The following TMEM117 variants were observed in gnomAD, a reference collection of about 807,000 sequenced individuals.
TMEM117 encodes the protein transmembrane protein 117.
Under a neutral mutation model 52.4 loss-of-function variants are expected in TMEM117, and 27 were observed. That is an observed-to-expected ratio of 0.51 (90% CI 0.38 to 0.71). The LOEUF is 0.71. TMEM117 is among the 30% of genes least tolerant of loss of function. The pLI, the probability that TMEM117 is intolerant of heterozygous loss-of-function variation, is 0.00. For synonymous variants in TMEM117, 215 were observed against 206.3 expected, an observed-to-expected ratio of 1.04 and a Z score of -0.36; for missense variants, 556 against 630.5, an observed-to-expected ratio of 0.88 and a Z score of 1.26.
chr12:44,063,614 C>T (rs1047085716), intron 3 of TMEM117, among the ~76,000 whole-genome samples: 1 of 147,584 alleles, frequency 6.8e-6, no homozygotes, highest in South Asian at 2.3e-4. Context: ...CTATCCCTCC[C>T]GCCTCCCCCC....
chr12:43,945,814 G>A (rs1216505761), intron 3 of TMEM117, among the ~76,000 whole-genome samples: 1 of 152,156 alleles, frequency 6.6e-6, no homozygotes, highest in East Asian at 1.9e-4. Context: ...AGGCTAGGCA[G>A]GATTATTGTC....
intron 3 of TMEM117, among the ~76,000 whole-genome samples, chr12:44,021,280 G>A (rs942950444): frequency 1.3e-5 from 2 of 152,008 alleles, no homozygotes. Flanking sequence ...CCCTCAAATA[G>A]AACCTAGTTA....
At chr12:44,385,355 A>G (rs1486932963) in intron 7 of TMEM117, among the ~76,000 whole-genome samples, 2 of 152,344 alleles carry the variant, frequency 1.3e-5, no homozygotes, top group Middle Eastern at 6.8e-3. Flanking sequence ...TTAGTGGTCA[A>G]ACTGACCCAG....
intron 3 of TMEM117, among the ~76,000 whole-genome samples, chr12:44,130,465 A>G (rs1182626835): frequency 6.6e-6 from 1 of 152,158 alleles, no homozygotes; most frequent in East Asian, 1.9e-4. Context: ...CTCTAACACC[A>G]TAGCTTAGTT....
chr12:44,119,301 G>C (rs924061113), intron 3 of TMEM117, among the ~76,000 whole-genome samples: 1 of 150,560 alleles, frequency 6.6e-6, no homozygotes, highest in African/African-American at 2.5e-5. Flanking sequence ...TGAGCTTGCA[G>C]AGGATGTTTA....
chr12:43,976,280 T>A (rs76675253), intron 3 of TMEM117, among the ~76,000 whole-genome samples: 6 of 152,162 alleles, frequency 3.9e-5, no homozygotes, highest in African/African-American at 9.7e-5. Context: ...CAGACCATGT[T>A]GCCCAGTCTG....
At chr12:43,852,560 C>T (rs1418133369) in intron 2 of TMEM117, among the ~76,000 whole-genome samples, 1 of 152,150 alleles carries the variant, frequency 6.6e-6, no homozygotes, top group African/African-American at 2.4e-5. Flanking sequence ...TGAGATTGTG[C>T]CATTGCACTC....
chr12:44,122,428 G>T (rs1185250283), intron 3 of TMEM117, among the ~76,000 whole-genome samples: 2 of 152,070 alleles, frequency 1.3e-5, no homozygotes, highest in South Asian at 2.1e-4. Flanking sequence ...TTAAGTTCGG[G>T]GTACAGGTGC....
chr12:43,918,797 C>T lies in TMEM117; in HGVS notation c.278-25413C>T, dbSNP rs975932743. Among the ~76,000 whole-genome samples, 3 of 152,292 alleles carry T rather than the reference C, an allele frequency of 2.0e-5. No homozygotes were observed. In the South Asian group the frequency reaches 6.2e-4, roughly 32 times the overall value. On this transcript the variant is annotated intron_variant, in intron 2 of 7. Coordinates refer to ENST00000266534, the MANE Select transcript of TMEM117 (RefSeq NM_032256.3). Reference sequence around the variant, plus strand: ...AAGCATTTTAATATTCTCACCATGCCTCTGAAAATACTTTCTTCAGTCTCA... The same window carrying T: ...AAGCATTTTAATATTCTCACCATGCTTCTGAAAATACTTTCTTCAGTCTCA...
chr12:43,986,088 A>G (rs188138736), intron 3 of TMEM117, among the ~76,000 whole-genome samples: 2 of 152,330 alleles, frequency 1.3e-5, no homozygotes, highest in East Asian at 1.9e-4. Flanking sequence ...GTAATACACC[A>G]GGAAAGAAAA....
chr12:43,912,097 C>G (rs1238800975), intron 2 of TMEM117, among the ~76,000 whole-genome samples: 9 of 148,822 alleles, frequency 6.0e-5, no homozygotes, highest in Non-Finnish European at 1.2e-4. Context: ...GGAACCAACC[C>G]AAATATCCAA....
chr12:44,076,167 A>T (rs1198182093), intron 3 of TMEM117, among the ~76,000 whole-genome samples: 1 of 152,226 alleles, frequency 6.6e-6, no homozygotes, highest in African/African-American at 2.4e-5. Context: ...TTCTCTAAGA[A>T]ATAATTGGAA....
intron 5 of TMEM117, among the ~76,000 whole-genome samples, chr12:44,214,536 G>C (rs986247760): frequency 6.6e-6 from 1 of 152,026 alleles, no homozygotes; most frequent in African/African-American, 2.4e-5. Context: ...TAGTTTAAAT[G>C]TTGTAAAAAT....
At chr12:44,021,833 C>G (rs1471042954) in intron 3 of TMEM117, among the ~76,000 whole-genome samples, 1 of 152,164 alleles carries the variant, frequency 6.6e-6, no homozygotes, top group Non-Finnish European at 1.5e-5. Context: ...CTGCCACTGT[C>G]TCTGGAAGTA....
chr12:44,083,821 T>C (rs1211173294), intron 3 of TMEM117: 1 of 152,140 alleles, frequency 6.6e-6, no homozygotes, highest in East Asian at 1.9e-4. Flanking sequence ...TTACTATTAC[T>C]TTTTTTGTGT....
intron 2 of TMEM117, among the ~76,000 whole-genome samples, chr12:43,862,931 A>G (rs899857726): frequency 6.6e-6 from 1 of 152,068 alleles, no homozygotes; most frequent in East Asian, 1.9e-4. Context: ...TACGCACTGC[A>G]CTCCAGCCCG....
intron 5 of TMEM117, among the ~76,000 whole-genome samples, chr12:44,274,500 A>G (rs1295527150): frequency 6.6e-6 from 1 of 152,174 alleles, no homozygotes; most frequent in Non-Finnish European, 1.5e-5. Context: ...AGCCAAAGCT[A>G]TATTAAGCAA....
At chr12:44,115,917 T>C (rs1214209617) in intron 3 of TMEM117, among the ~76,000 whole-genome samples, 1 of 152,210 alleles carries the variant, frequency 6.6e-6, no homozygotes, top group African/African-American at 2.4e-5. Context: ...TCTTTCTCAT[T>C]GCTTAAGCCT....
the TMEM117 span, chr12:43,804,384 A>T: frequency 2.8e-6 from 2 of 723,580 alleles, no homozygotes; most frequent in Non-Finnish European, 2.4e-6. Flanking sequence ...GTAAGATTTG[A>T]ACTTGCTTCA....
Sources: gnomAD v4.1 joint callset for allele counts (sites outside exome capture counted in the v4.1 genomes callset) on GRCh38, gnomAD v4.1.1 for gene constraint, MANE v1.5 for transcripts, NCBI Gene and HGNC (gene_info 2026-07-23, HGNC 2026-07-21) for gene names.